CCDC191: variants seen among roughly 807,000 people sequenced by gnomAD.
CCDC191 encodes the protein coiled-coil domain containing 191.
In CCDC191, 99 loss-of-function variants were observed where a neutral mutation model predicts 114.0. The ratio of observed to expected loss-of-function variants is 0.87; its 90% confidence interval spans 0.74 to 1.03. CCDC191 has a LOEUF of 1.03. Among genes scored for constraint, CCDC191 ranks in the 50% least tolerant of loss-of-function variants. The pLI, the probability that CCDC191 is intolerant of heterozygous loss-of-function variation, is 0.00. For missense variants in CCDC191, 973 were observed against 1,087.0 expected, an observed-to-expected ratio of 0.90 and a Z score of 1.47; for synonymous variants, 351 against 376.0, an observed-to-expected ratio of 0.93 and a Z score of 0.77.
At position 113,967,106 on chromosome 3, in the gene CCDC191, AG is replaced by A. The variant is rs1484875107; in HGVS notation, c.2607-1748del. Among the ~76,000 whole-genome samples, 25 of 64,638 alleles carry A rather than the reference AG, an allele frequency of 3.9e-4. No individual in the cohort carries two copies. In the South Asian group the frequency reaches 0.017, roughly 43 times the overall value. 42.4% of individuals were successfully genotyped at this position (64,638 alleles called of 152,430 possible). A position where few individuals can be genotyped will look rare whatever the true frequency, so the allele number is the denominator to read the frequency against. ...AGAGTGAGACTCTTGTCTCAAAAAA[AG>A]AAAAAAAGAAAAAAAGAAAAAGGCT... On this transcript the variant is annotated intron_variant, in intron 16 of 16. Coordinates refer to ENST00000295878, the MANE Select transcript of CCDC191 (RefSeq NM_020817.2).
At chr3:114,034,751 G>T (rs148080726) in intron 6 of CCDC191, among the ~76,000 whole-genome samples, 174 bp downstream of exon 6, 1 of 152,156 alleles carries the variant, frequency 6.6e-6, no homozygotes, top group African/African-American at 2.4e-5. Context: ...AAGGGACCAC[G>T]TCAGGAGGAA....
chr3:114,025,200 A>G (rs1228045458), intron 7 of CCDC191, among the ~76,000 whole-genome samples: 4 of 149,474 alleles, frequency 2.7e-5, no homozygotes, highest in Admixed American at 6.7e-5. Flanking sequence ...ATCCTGGAAT[A>G]TGTGATGCTC....
rs1024564411 is a variant in CCDC191 at position 113,978,840 on chromosome 3, C to T, written c.2460+18G>A. On this transcript the variant is annotated intron_variant, in intron 15 of 16. Transcript: ENST00000295878. ...GAGCAATGAGATGTATTTAAGGTAC[C>T]CTTCCCTATGTCCTTACCTGTAGCC... 1.9e-6 allele frequency: 3 copies of T among 1,607,826 alleles called. No homozygotes were observed. Among genetic ancestry groups the T allele is most frequent in the Non-Finnish European group, 2.6e-6 (3 of 1,176,274 alleles).
At chr3:113,966,355 C>G (rs575667345) in intron 16 of CCDC191, among the ~76,000 whole-genome samples, 21 of 152,268 alleles carry the variant, frequency 1.4e-4, no homozygotes, top group Admixed American at 7.2e-4. Context: ...CACAGCTGAA[C>G]ACTAGGGGCA....
intron 13 of CCDC191, among the ~76,000 whole-genome samples, chr3:113,992,216 T>C (rs1374437534): frequency 1.3e-5 from 2 of 152,202 alleles, no homozygotes; most frequent in East Asian, 3.9e-4. Flanking sequence ...CAAGGCAGCA[T>C]AGTTCAATGC....
chr3:114,007,306 C>T (rs949584633), intron 9 of CCDC191, among the ~76,000 whole-genome samples: 4 of 152,188 alleles, frequency 2.6e-5, no homozygotes, highest in Admixed American at 1.3e-4. Context: ...ATCTAAATAT[C>T]AGAAGCTTCT....
intron 13 of CCDC191, among the ~76,000 whole-genome samples, chr3:113,989,250 A>C (rs1336550289): frequency 6.6e-6 from 1 of 152,242 alleles, no homozygotes; most frequent in East Asian, 1.9e-4. Flanking sequence ...GCACAAAATC[A>C]GTAAGAATAC....
intron 4 of CCDC191, among the ~76,000 whole-genome samples, chr3:114,041,244 G>C (rs539719856): frequency 6.6e-6 from 1 of 152,212 alleles, no homozygotes; most frequent in East Asian, 1.9e-4. Context: ...ATGTCCAGAA[G>C]GCAGCAACGA....
At chr3:113,969,303 A>T (rs1252849452) in intron 16 of CCDC191, among the ~76,000 whole-genome samples, 1 of 152,200 alleles carries the variant, frequency 6.6e-6, no homozygotes, top group Admixed American at 6.5e-5. Flanking sequence ...TCTGTGGGTT[A>T]TCTCTTCACT....
In CCDC191 at chr3:113,981,754, T is replaced by G. The variant is rs186525154; in HGVS notation, c.2164-961A>C. Among the ~76,000 whole-genome samples the G allele has an allele frequency of 1.9e-3, 294 of 152,308 alleles. 1 individual carries two copies. Among genetic ancestry groups the G allele is most frequent in the African/African-American group, 6.9e-3 (288 of 41,572 alleles). On this transcript the variant is annotated intron_variant, in intron 13 of 16. Transcript: ENST00000295878. ...TACAGAGAGAGCAATGGAACATTTC[T>G]AATATGGAAGGAAGAATTGCTCTAA...
At chr3:114,007,110 C>T (rs2075984648) in intron 9 of CCDC191, among the ~76,000 whole-genome samples, 1 of 152,170 alleles carries the variant, frequency 6.6e-6, no homozygotes, top group Non-Finnish European at 1.5e-5. Flanking sequence ...GACTGAGGTA[C>T]CATACTCAAT....
At position 113,964,267 on chromosome 3, in the gene CCDC191, TTATATAA is replaced by T. The variant is rs1939890963; in HGVS notation, c.*881_*887del. 6.6e-6 allele frequency: 1 copy of T among 152,230 alleles called. No individual in the cohort carries two copies. The highest frequency in any genetic ancestry group is 2.4e-5 in the African/African-American group (1 of 41,458). The allele number at this position is 152,230 out of a possible 1,614,324, so 9.4% of individuals were successfully genotyped here. A position where few individuals can be genotyped will look rare whatever the true frequency, so the allele number is the denominator to read the frequency against. ...TGCATTTATGGACTACTTGAATTTGTTATATAATAAATGTGTATTTTATAATGAAAAA... is the reference window on the plus strand; with the variant it reads ...TGCATTTATGGACTACTTGAATTTGTTAAATGTGTATTTTATAATGAAAAA... On this transcript the variant is annotated 3_prime_UTR_variant, in exon 17 of 17. Transcript: ENST00000295878.
intron 7 of CCDC191, among the ~76,000 whole-genome samples, chr3:114,029,802 AAAAAAACC>A (rs200157939): frequency 0.015 from 2,310 of 152,268 alleles, 47 homozygotes; most frequent in East Asian, 0.068. Context: ...AGAAAACATA[AAAAAAACC>A]AAAACGAGAG....
intron 2 of CCDC191, among the ~76,000 whole-genome samples, 170 bp downstream of exon 2, chr3:114,053,427 G>A (rs1458191432): frequency 6.6e-6 from 1 of 151,828 alleles, no homozygotes; most frequent in Non-Finnish European, 1.5e-5. Flanking sequence ...AGAGGCAACA[G>A]AATTATGAAA....
chr3:114,025,062 C>G (rs2076300358), intron 7 of CCDC191, among the ~76,000 whole-genome samples: 1 of 152,026 alleles, frequency 6.6e-6, no homozygotes, highest in African/African-American at 2.4e-5. Context: ...CATTCAGTTC[C>G]CAGAACACAG....
chr3:113,988,545 G>C (rs1003372900), intron 13 of CCDC191, among the ~76,000 whole-genome samples: 9 of 142,546 alleles, frequency 6.3e-5, no homozygotes, highest in Non-Finnish European at 1.4e-4. Flanking sequence ...AGAATCACTT[G>C]AACCCAGGAG....
chr3:114,054,568 C>T (rs2076740413), intron 1 of CCDC191, among the ~76,000 whole-genome samples: 1 of 152,102 alleles, frequency 6.6e-6, no homozygotes, highest in Non-Finnish European at 1.5e-5. Flanking sequence ...ACCCGAGAGG[C>T]GGAGCTTGCA....
chr3:114,036,773 A>C lies in CCDC191; in HGVS notation c.429T>G (p.Tyr143Ter). 1 of 1,552,558 alleles carries C rather than the reference A, an allele frequency of 6.4e-7. No individual in the cohort carries two copies. The highest frequency in any genetic ancestry group is 2.4e-5 in the East Asian group (1 of 42,160). ...KYDKFDDLCG[Y>*]LEEEEESTTV... ...TGGTACTTTCCTCTTCTTCCTCCAA[A>C]TAGCCACATAAATCTGGGGGAAACA... The change falls in exon 5 of 17, where the codon TAT becomes TAG. Residue 143 changes from tyrosine to a stop codon, truncating the protein, a stop_gained. Coordinates refer to ENST00000295878, the MANE Select transcript of CCDC191 (RefSeq NM_020817.2). LOFTEE classifies it high-confidence loss of function.
At position 114,024,601 on chromosome 3, in the gene CCDC191, C is replaced by CA. The variant is rs539024078; in HGVS notation, c.973-5734dup. On this transcript the variant is annotated intron_variant, in intron 7 of 16. Coordinates refer to ENST00000295878, the MANE Select transcript of CCDC191 (RefSeq NM_020817.2). ...CATTCTCAGCAAACTATCGCAAGGACAAAAAACCAAACACCGCATGTTCTC... is the reference window on the plus strand; with the variant it reads ...CATTCTCAGCAAACTATCGCAAGGACAAAAAAACCAAACACCGCATGTTCTC... Among the ~76,000 whole-genome samples, 11 of 150,552 alleles carry CA rather than the reference C, an allele frequency of 7.3e-5. No individual in the cohort carries two copies. In the South Asian group the frequency reaches 2.3e-3, roughly 31 times the overall value.
Sources: allele counts gnomAD v4.1 joint callset (sites outside exome capture counted in the v4.1 genomes callset), GRCh38; gene constraint gnomAD v4.1.1; transcripts MANE v1.5; gene names NCBI Gene and HGNC (gene_info 2026-07-23, HGNC 2026-07-21).